The following ATP10B variants were observed in gnomAD, a reference collection of about 807,000 sequenced individuals.
The protein encoded by ATP10B is ATPase phospholipid transporting 10B (putative), also known as phospholipid-transporting ATPase VB.
Under a neutral mutation model 141.2 loss-of-function variants are expected in ATP10B, and 122 were observed. That is an observed-to-expected ratio of 0.86 (90% CI 0.75 to 1.00). The LOEUF (loss-of-function observed/expected upper bound fraction) is 1.00, where lower values mean the gene tolerates loss of function less well. Among genes scored for constraint, ATP10B ranks in the 50% least tolerant of loss-of-function variants. ATP10B has a pLI of 0.00. For missense variants in ATP10B, 1,876 were observed against 1,825.3 expected (o/e 1.03, Z -0.51); for synonymous variants, 685 against 692.0 (o/e 0.99, Z 0.16).
Position 160,567,385 on chromosome 5 carries a change from G to A in ATP10B, c.3939-1485C>T, listed in dbSNP as rs544082672. 1.8e-4 allele frequency among the ~76,000 whole-genome samples: 28 copies of A among 152,262 alleles called. No individual in the cohort carries two copies. The South Asian group carries it at 5.2e-3, about 28-fold the overall frequency. ...CCGGCCATGTATTTCTCAAATCCACGCCCTTAAATGTTTCTTCCTTGAGGA... is the reference window on the plus strand; with the variant it reads ...CCGGCCATGTATTTCTCAAATCCACACCCTTAAATGTTTCTTCCTTGAGGA... On this transcript the variant is annotated intron_variant, in intron 25 of 25. Coordinates refer to ENST00000327245, the MANE Select transcript of ATP10B (RefSeq NM_025153.3).
At chr5:160,683,129 G>T (rs905021734) in intron 6 of ATP10B, among the ~76,000 whole-genome samples, 2 of 151,216 alleles carry the variant, frequency 1.3e-5, no homozygotes, top group African/African-American at 2.4e-5. Context: ...TCAAAGGAAG[G>T]CATCACACCC....
intron 1 of ATP10B, among the ~76,000 whole-genome samples, chr5:160,824,891 C>G (rs1774459528): frequency 1.3e-5 from 2 of 152,176 alleles, no homozygotes; most frequent in Non-Finnish European, 2.9e-5. Context: ...CAATTGCTAG[C>G]TTTGGGCAAG....
intron 1 of ATP10B, among the ~76,000 whole-genome samples, chr5:160,840,826 T>C (rs796180321): frequency 2.0e-5 from 3 of 152,286 alleles, no homozygotes; most frequent in African/African-American, 7.2e-5. Context: ...AATATAAGCA[T>C]GGGCCTTGAA....
chr5:160,800,344 G>A (rs182033804), intron 1 of ATP10B, among the ~76,000 whole-genome samples: 54 of 152,236 alleles, frequency 3.5e-4, no homozygotes, highest in African/African-American at 1.2e-3. Flanking sequence ...ATGAAATCCT[G>A]TAATACTGTC....
chr5:160,776,570 T>A (rs572857329), intron 2 of ATP10B, among the ~76,000 whole-genome samples: 1 of 152,320 alleles, frequency 6.6e-6, no homozygotes, highest in Admixed American at 6.5e-5. Flanking sequence ...ACACAGCTAC[T>A]GAGTGATGGA....
At chr5:160,698,686 G>T (rs1475430271) in intron 3 of ATP10B, among the ~76,000 whole-genome samples, 1 of 151,070 alleles carries the variant, frequency 6.6e-6, no homozygotes, top group African/African-American at 2.4e-5. Flanking sequence ...GTTGGGAGAT[G>T]AGATATATAT....
intron 7 of ATP10B, among the ~76,000 whole-genome samples, chr5:160,667,062 C>A (rs1762363834): frequency 1.3e-5 from 2 of 151,926 alleles, no homozygotes. Flanking sequence ...ACTAAAAATA[C>A]AAAAAATTAG....
At chr5:160,776,672 T>G (rs931242516) in intron 2 of ATP10B, among the ~76,000 whole-genome samples, 2 of 152,238 alleles carry the variant, frequency 1.3e-5, no homozygotes, top group Non-Finnish European at 2.9e-5. Flanking sequence ...ACTCAAAATG[T>G]AGCCTCTGCT....
chr5:160,681,746 A>G (rs1447922521), intron 6 of ATP10B, among the ~76,000 whole-genome samples: 1 of 152,210 alleles, frequency 6.6e-6, no homozygotes, highest in Non-Finnish European at 1.5e-5. Flanking sequence ...TTTAGGTTTC[A>G]AAAAAATAGG....
chr5:160,694,529 A>G (rs1355298472), intron 3 of ATP10B, among the ~76,000 whole-genome samples: 1 of 152,226 alleles, frequency 6.6e-6, no homozygotes, highest in East Asian at 1.9e-4. Flanking sequence ...CCTTTAGCCT[A>G]ACAAGCTGGG....
chr5:160,695,518 GTGTA>G (rs891792876), intron 3 of ATP10B, among the ~76,000 whole-genome samples: 20 of 133,080 alleles, frequency 1.5e-4, no homozygotes, highest in African/African-American at 4.9e-4. Context: ...GTGTGTGTGT[GTGTA>G]TGTGCTGTGT....
chr5:160,669,918 T>TAAAAAAAAA lies in ATP10B; in HGVS notation c.675+536_675+544dup, dbSNP rs776037475. Among the ~76,000 whole-genome samples, 32 of 89,686 alleles carry TAAAAAAAAA rather than the reference T, an allele frequency of 3.6e-4. 1 individual carries two copies. The highest frequency in any genetic ancestry group is 1.5e-3 in the African/African-American group (29 of 19,304). The allele number at this position is 89,686 out of a possible 152,430, so 58.8% of individuals were successfully genotyped here. ...TGCACCCAGTGGAGACCCAGTCTCTTAAAAAAAAAAAGATATCAGTGATCT... is the reference window on the plus strand; with the variant it reads ...TGCACCCAGTGGAGACCCAGTCTCTTAAAAAAAAAAAAAAAAAAAAGATATCAGTGATCT... On this transcript the variant is annotated intron_variant, in intron 7 of 25. Transcript: ENST00000327245.
Position 160,636,197 on chromosome 5 carries a change from C to A in ATP10B, c.1113G>T (p.Met371Ile). Residue 371 changes from methionine (M) to isoleucine (I), a missense_variant, in exon 11 of 26, where the codon ATG (methionine) becomes ATT (isoleucine). Transcript: ENST00000327245. Reference sequence around the variant, plus strand: ...GGCTTCCTACCTGGAGCAGGATGATCATTGTGAGGAACATGTAGAAGCCCC... The same window carrying A: ...GGCTTCCTACCTGGAGCAGGATGATAATTGTGAGGAACATGTAGAAGCCCC... ...ALGGFYMFLTMIILLQVLIPI... is the reference protein window; with the variant it reads ...ALGGFYMFLTIIILLQVLIPI... 6.2e-7 allele frequency: 1 copy of A among 1,610,046 alleles called. No homozygotes were observed. Among genetic ancestry groups the A allele is most frequent in the Non-Finnish European group, 8.5e-7 (1 of 1,178,142 alleles).
intron 14 of ATP10B, among the ~76,000 whole-genome samples, chr5:160,621,227 T>G (rs185367567): frequency 1.1e-3 from 171 of 152,346 alleles, no homozygotes; most frequent in Middle Eastern, 3.4e-3. Flanking sequence ...TGCTTTATCT[T>G]TGAGTGCGGT....
rs115830579 is a variant in ATP10B at position 160,734,499 on chromosome 5, A to T, written c.-330-17465T>A. Among the ~76,000 whole-genome samples, 620 of 152,260 alleles carry T rather than the reference A, an allele frequency of 4.1e-3. 3 individuals carry two copies. Among genetic ancestry groups the T allele is most frequent in the African/African-American group, 0.013 (553 of 41,582 alleles). The stretch of plus-strand genomic sequence containing the variant: ...ATTGCAAAGCTTTATGTAAAGTGGT[A>T]CATATAAACTCTAAGTAGACTATTA... On this transcript the variant is annotated intron_variant, in intron 2 of 25. Coordinates refer to ENST00000327245, the MANE Select transcript of ATP10B (RefSeq NM_025153.3).
the ATP10B span, among the ~76,000 whole-genome samples, chr5:160,871,925 T>A: frequency 5.9e-5 from 9 of 152,276 alleles, no homozygotes; most frequent in South Asian, 1.9e-3. Flanking sequence ...GTGGGATTGC[T>A]GGGTCAAATG....
chr5:160,775,200 A>G (rs962321282), intron 2 of ATP10B, among the ~76,000 whole-genome samples: 1 of 152,212 alleles, frequency 6.6e-6, no homozygotes, highest in African/African-American at 2.4e-5. Context: ...GCCTGTCTGC[A>G]CGCAGCCAAG....
intron 8 of ATP10B, among the ~76,000 whole-genome samples, chr5:160,645,813 G>A (rs1444174340): frequency 2.0e-5 from 3 of 152,098 alleles, no homozygotes; most frequent in African/African-American, 7.2e-5. Flanking sequence ...CCAGTTATAA[G>A]CCTTTTTCAC....
intron 2 of ATP10B, among the ~76,000 whole-genome samples, chr5:160,744,428 G>C (rs533152359): frequency 2.0e-4 from 30 of 152,188 alleles, no homozygotes; most frequent in Non-Finnish European, 3.2e-4. Flanking sequence ...GTGGCTCTCT[G>C]ACTGAGTTCC....
Sources: gnomAD v4.1 joint callset for allele counts (sites outside exome capture counted in the v4.1 genomes callset) on GRCh38, gnomAD v4.1.1 for gene constraint, MANE v1.5 for transcripts, NCBI Gene and HGNC (gene_info 2026-07-23, HGNC 2026-07-21) for gene names.